Variants in USP30 observed in about 807,000 individuals in gnomAD.
USP30 encodes the protein ubiquitin specific peptidase 30.
USP30 carries 41 observed loss-of-function variants against 68.2 expected under a neutral mutation model. That is an observed-to-expected ratio of 0.60 (90% CI 0.47 to 0.78). The LOEUF (loss-of-function observed/expected upper bound fraction) is 0.78, where lower values mean the gene tolerates loss of function less well. USP30 is among the 30% of genes least tolerant of loss of function. The pLI is 0.00. For missense variants in USP30, 522 were observed against 649.4 expected (o/e 0.80, Z 2.13); for synonymous variants, 229 against 253.7 (o/e 0.90, Z 0.93).
chr12:109,055,142 A>G (rs1042086356), intron 1 of USP30, among the ~76,000 whole-genome samples: 4 of 151,758 alleles, frequency 2.6e-5, no homozygotes, highest in African/African-American at 9.7e-5. Flanking sequence ...TATAAAAACA[A>G]TGTTTTAAAT....
intron 3 of USP30, among the ~76,000 whole-genome samples, chr12:109,062,496 A>G (rs2041105022): frequency 6.6e-6 from 1 of 151,008 alleles, no homozygotes; most frequent in African/African-American, 2.4e-5. Context: ...CCTGGCTAAT[A>G]TTTTTGTATT....
At chr12:109,066,372 G>A (rs2041251451) in intron 3 of USP30, among the ~76,000 whole-genome samples, 5 of 151,824 alleles carry the variant, frequency 3.3e-5, no homozygotes, top group Admixed American at 3.3e-4. Context: ...TATTAGGCCT[G>A]ATTCTACCTG....
In USP30 at chr12:109,085,661, A is replaced by C. The variant is rs1177161371; in HGVS notation, c.1290-6A>C. 1.2e-6 allele frequency: 2 copies of C among 1,613,596 alleles called. No individual in the cohort carries two copies. Among genetic ancestry groups the C allele is most frequent in the African/African-American group, 2.7e-5 (2 of 74,930 alleles). On this transcript the variant is annotated splice_region_variant and splice_polypyrimidine_tract_variant and intron_variant, in intron 12 of 12. Coordinates refer to ENST00000257548, the MANE Select transcript of USP30 (RefSeq NM_032663.5). The stretch of plus-strand genomic sequence containing the variant: ...TAAACCCCTGACATGTGTTCGTATC[A>C]TTCAGCTCCTCCACATACCTCTTCC...
intron 8 of USP30, 64 bp downstream of exon 8, chr12:109,081,457 T>C: frequency 2.6e-6 from 4 of 1,568,436 alleles, no homozygotes; most frequent in Non-Finnish European, 3.5e-6. Context: ...GAAAGGGCTT[T>C]GAGGCATTTT....
chr12:109,081,130 G>A lies in USP30; in HGVS notation c.721-204G>A, dbSNP rs145143813. On this transcript the variant is annotated intron_variant, in intron 7 of 12. Transcript: ENST00000257548. The stretch of plus-strand genomic sequence containing the variant: ...ATTTAATCTTTCAGTTGTTCCAAGC[G>A]ATTCTTTAGTATTATTGTACCTCTT... Among the ~76,000 whole-genome samples the A allele has an allele frequency of 2.0e-4, 31 of 152,238 alleles. No individual in the cohort carries two copies. The East Asian group carries it at 3.7e-3, about 18-fold the overall frequency.
chr12:109,085,879 G>A lies in USP30; in HGVS notation c.1502G>A (p.Arg501His), dbSNP rs2041933973. The A allele has an allele frequency of 4.3e-6, 7 of 1,614,186 alleles. No homozygotes were observed. The highest frequency in any genetic ancestry group is 1.7e-5 in the Admixed American group (1 of 60,028). ...SSSAYLLFYE[R>H]VLSRMQHQSQ... ...AGCGCCTACCTGCTGTTCTACGAGCGCGTCCTTTCCAGGATGCAGCACCAG... is the reference window on the plus strand; with the variant it reads ...AGCGCCTACCTGCTGTTCTACGAGCACGTCCTTTCCAGGATGCAGCACCAG... Residue 501 changes from arginine (R) to histidine (H), a missense_variant, in exon 13 of 13, where the codon CGC becomes CAC. Arg to His is a conservative substitution (Grantham distance 29). Transcript: ENST00000257548.
At chr12:109,075,409 G>A (rs747046778) in intron 7 of USP30, among the ~76,000 whole-genome samples, 2 of 151,984 alleles carry the variant, frequency 1.3e-5, no homozygotes, top group Non-Finnish European at 2.9e-5. Context: ...AGAGTGCAGT[G>A]GTGCCATCTT....
chr12:109,063,793 C>T (rs2041156380), intron 3 of USP30, among the ~76,000 whole-genome samples: 1 of 151,074 alleles, frequency 6.6e-6, no homozygotes, highest in Non-Finnish European at 1.5e-5. Context: ...TATTGAGCAT[C>T]TTTTCATTTG....
At chr12:109,033,273 T>C (rs1416914016) in intron 3 of USP30, among the ~76,000 whole-genome samples, 1 of 152,234 alleles carries the variant, frequency 6.6e-6, no homozygotes, top group African/African-American at 2.4e-5. Flanking sequence ...GTCTTCAGTA[T>C]GTATAAAGAA....
At chr12:109,055,691 C>T (rs952002216) in intron 1 of USP30, among the ~76,000 whole-genome samples, 1 of 150,470 alleles carries the variant, frequency 6.6e-6, no homozygotes, top group Non-Finnish European at 1.5e-5. Flanking sequence ...GCCATCACAC[C>T]TGGCCTCAAT....
Position 109,066,709 on chromosome 12 carries a change from C to G in USP30, c.377-815C>G, listed in dbSNP as rs1290314800. Among the ~76,000 whole-genome samples, 7 of 152,012 alleles carry G rather than the reference C, an allele frequency of 4.6e-5. No homozygotes were observed. The East Asian group carries it at 1.4e-3, about 29-fold the overall frequency. On this transcript the variant is annotated intron_variant, in intron 3 of 12. Transcript: ENST00000257548. ...CAAAAAAAAAGAAAAGTACACTACT[C>G]AAAAGACCCTTTAGGCTGCTGCATA...
Position 109,075,836 on chromosome 12 carries a change from T to A in USP30, c.720+2304T>A, listed in dbSNP as rs1199227654. Among the ~76,000 whole-genome samples the A allele has an allele frequency of 5.4e-5, 6 of 111,676 alleles. No individual in the cohort carries two copies. The Admixed American group carries it at 7.6e-4, about 14-fold the overall frequency. The allele number at this position is 111,676 out of a possible 152,430, so 73.3% of individuals were successfully genotyped here. A position where few individuals can be genotyped will look rare whatever the true frequency, so the allele number is the denominator to read the frequency against. On this transcript the variant is annotated intron_variant, in intron 7 of 12. Transcript: ENST00000257548. ...TTTGCCCATTTTTTAATCATGTTAC[T>A]TTTTCTTTTTTTTTTTTTTTTTGCT...
chr12:109,082,253 A>G (rs1291286423), intron 9 of USP30, among the ~76,000 whole-genome samples: 1 of 152,216 alleles, frequency 6.6e-6, no homozygotes, highest in Non-Finnish European at 1.5e-5. Context: ...GAGATGAGAA[A>G]TGCCCTCTCC....
chr12:109,082,604 G>A (rs1318732730), intron 9 of USP30, 59 bp from the exon 10 acceptor site: 4 of 1,556,454 alleles, frequency 2.6e-6, no homozygotes, highest in South Asian at 2.3e-5. Flanking sequence ...GTGGTCTGCA[G>A]CACTCCAAAG....
At chr12:109,032,419 A>G (rs2040489217) in intron 3 of USP30, among the ~76,000 whole-genome samples, 1 of 152,276 alleles carries the variant, frequency 6.6e-6, no homozygotes, top group Admixed American at 6.5e-5. Context: ...GAATGGATAA[A>G]CAAAATGTGG....
intron 3 of USP30, among the ~76,000 whole-genome samples, chr12:109,038,522 G>C (rs1206031498): frequency 6.6e-6 from 1 of 151,550 alleles, no homozygotes; most frequent in Admixed American, 6.6e-5. Flanking sequence ...TGCTGCAATT[G>C]TTATTCATTT....
Position 109,082,993 on chromosome 12 carries a change from A to C in USP30, c.1099A>C (p.Asn367His). 1 of 1,614,198 alleles carries C rather than the reference A, an allele frequency of 6.2e-7. No individual in the cohort carries two copies. The highest frequency in any genetic ancestry group is 8.5e-7 in the Non-Finnish European group (1 of 1,180,008). Residue 367 changes from asparagine (N) to histidine (H), a missense_variant, in exon 11 of 13, where the codon AAC becomes CAC. Coordinates refer to ENST00000257548, the MANE Select transcript of USP30 (RefSeq NM_032663.5). ...CCTTGGACATAAACCTAGTCAACAC[A>C]ACCCTAAACTGAACAAGAACCCAGG... ...HLLGHKPSQH[N>H]PKLNKNPGPT...
At chr12:109,082,523 A>G in intron 9 of USP30, 140 bp from the exon 10 acceptor site, 1 of 719,106 alleles carries the variant, frequency 1.4e-6, no homozygotes, top group Non-Finnish European at 2.3e-6. Context: ...CAATTCACAA[A>G]TAACTGGGCA....
chr12:109,037,930 T>A (rs181486881), intron 3 of USP30, among the ~76,000 whole-genome samples: 2 of 152,312 alleles, frequency 1.3e-5, no homozygotes, highest in Admixed American at 1.3e-4. Flanking sequence ...TGCACATGTG[T>A]ATGTCCTTCT....
Sources: allele counts gnomAD v4.1 joint callset (sites outside exome capture counted in the v4.1 genomes callset), GRCh38; gene constraint gnomAD v4.1.1; transcripts MANE v1.5; gene names NCBI Gene and HGNC (gene_info 2026-07-23, HGNC 2026-07-21).